The following RYR1 variants were observed in gnomAD, a reference collection of about 807,000 sequenced individuals.
RYR1 encodes the protein ryanodine receptor 1, also known as central core disease of muscle.
Under a neutral mutation model 583.5 loss-of-function variants are expected in RYR1, and 342 were observed. The ratio of observed to expected loss-of-function variants is 0.59; its 90% CI spans 0.54 to 0.64. RYR1 has a LOEUF of 0.64. Ranked by LOEUF, RYR1 falls within the 30% of genes least tolerant of loss-of-function variation. RYR1 has a pLI of 0.00. For synonymous variants in RYR1, 2,791 were observed against 2,822.5 expected (o/e 0.99, Z 0.35); for missense variants, 6,032 against 6,917.2 (o/e 0.87, Z 4.54).
rs777022486 is a variant in RYR1, at chr19:38,489,433, T to C, written c.5804T>C (p.Val1935Ala). 6.2e-7 allele frequency: 1 copy of C among 1,613,952 alleles called. No individual in the cohort carries two copies. ...CTCCAGATGAAGTTGCCAGAGTCTGTGAAGTTACAGGTGGGCTGCTGCTTC... is the reference window on the plus strand; with the variant it reads ...CTCCAGATGAAGTTGCCAGAGTCTGCGAAGTTACAGGTGGGCTGCTGCTTC... ...GLLQMKLPES[V>A]KLQMCHLLEY... Residue 1935 changes from valine (V) to alanine (A), a missense_variant, in exon 35 of 106, where the codon GTG (valine) becomes GCG (alanine). Val to Ala is a moderately conservative substitution (Grantham distance 64). This residue lies in a region of RYR1 where 2,627 missense variants were observed against 2,961.3 expected (regional missense o/e 0.89). Transcript: ENST00000359596.
chr19:38,580,924 G>A (rs551265427), intron 101 of RYR1, among the ~76,000 whole-genome samples: 16 of 148,356 alleles, frequency 1.1e-4, no homozygotes, highest in Admixed American at 2.7e-4. Flanking sequence ...TTTTGAGATG[G>A]AGTCTCACTG....
rs116872040 is a variant in RYR1 at position 38,455,026 on chromosome 19, G to A, written c.1441-209G>A. ...GACTGAATCTCATATTGGGGATAGAGTCAGAGAGGACAAGAATAGATATGG... is the reference window on the plus strand; with the variant it reads ...GACTGAATCTCATATTGGGGATAGAATCAGAGAGGACAAGAATAGATATGG... On this transcript the variant is annotated intron_variant, in intron 13 of 105. Coordinates refer to ENST00000359596, the MANE Select transcript of RYR1 (RefSeq NM_000540.3). 2.1e-4 allele frequency among the ~76,000 whole-genome samples: 32 copies of A among 152,210 alleles called. No homozygotes were observed. In the East Asian group the frequency reaches 4.4e-3, roughly 21 times the overall value.
At chr19:38,548,937 T>C (rs749318613) in intron 89 of RYR1, among the ~76,000 whole-genome samples, 1 of 152,218 alleles carries the variant, frequency 6.6e-6, no homozygotes, top group Non-Finnish European at 1.5e-5. Context: ...CCGTTATTAC[T>C]GTTATCTTTA....
chr19:38,460,878 G>A (rs1386350544), intron 20 of RYR1, among the ~76,000 whole-genome samples: 1 of 152,202 alleles, frequency 6.6e-6, no homozygotes, highest in Non-Finnish European at 1.5e-5. Context: ...CCAGCTACTC[G>A]GGAGACTGAG....
chr19:38,538,083 G>A (rs1600971561), intron 84 of RYR1, 123 bp downstream of exon 84: 1 of 885,558 alleles, frequency 1.1e-6, no homozygotes, highest in African/African-American at 1.6e-5. Context: ...TCCAGCCAGT[G>A]TCAATCCACC....
chr19:38,570,858 T>C (rs1244582313), intron 94 of RYR1, among the ~76,000 whole-genome samples, 165 bp downstream of exon 94: 3 of 152,138 alleles, frequency 2.0e-5, no homozygotes, highest in Admixed American at 2.0e-4. Context: ...GGGACCCCCC[T>C]CCATGGGGGT....
At chr19:38,511,992 G>A (rs919096515) in intron 61 of RYR1, 80 bp from the exon 62 acceptor site, 9 of 1,487,266 alleles carry the variant, frequency 6.1e-6, no homozygotes, top group African/African-American at 1.4e-5. Flanking sequence ...GGAAGAGAGC[G>A]GTTGGGGTGG....
intron 37 of RYR1, 130 bp from the exon 38 acceptor site, chr19:38,492,360 C>CAAAAAAAAAAAAA (rs60482983): frequency 1.7e-6 from 1 of 596,180 alleles, no homozygotes. Flanking sequence ...GACACTGTCT[C>CAAAAAAAAAAAAA]AAAAAAAAAA....
In RYR1 at chr19:38,433,755, C is replaced by G; in HGVS notation, c.-75C>G. ...GAGGTCTCCGACCCCAGCCCGCCCC[C>G]AGCCCTCCCGCCCAGCCCGCAGCCC... On this transcript the variant is annotated 5_prime_UTR_variant, in exon 1 of 106. Coordinates refer to ENST00000359596, the MANE Select transcript of RYR1 (RefSeq NM_000540.3). 1.4e-6 allele frequency: 1 copy of G among 709,494 alleles called. No individual in the cohort carries two copies. Among genetic ancestry groups the G allele is most frequent in the Non-Finnish European group, 2.6e-6 (1 of 386,188 alleles). The allele number at this position is 709,494 out of a possible 1,614,324, so 43.9% of individuals were successfully genotyped here.
In RYR1 at chr19:38,543,986, C is replaced by A. The variant is rs1043314779; in HGVS notation, c.12012+111C>A. The A allele has an allele frequency of 9.2e-7, 1 of 1,087,804 alleles. No homozygotes were observed. Among genetic ancestry groups the A allele is most frequent in the Non-Finnish European group, 1.4e-6 (1 of 736,178 alleles). 67.4% of individuals were successfully genotyped at this position (1,087,804 alleles called of 1,614,324 possible). A position where few individuals can be genotyped will look rare whatever the true frequency, so the allele number is the denominator to read the frequency against. On this transcript the variant is annotated intron_variant, in intron 87 of 105. Coordinates refer to ENST00000359596, the MANE Select transcript of RYR1 (RefSeq NM_000540.3). This position sits in a 1 kb window ranked among gnomAD's most constrained non-coding sequence, Gnocchi z 4.4. Reference sequence around the variant, plus strand: ...GTCACCCGAGTGCTCCCGGCATGTTCCAGACTGGTTCCCTCTCAGTGGCCA... The same window carrying A: ...GTCACCCGAGTGCTCCCGGCATGTTACAGACTGGTTCCCTCTCAGTGGCCA...
In RYR1 at chr19:38,448,717, G is replaced by A; in HGVS notation, c.1026G>A (p.Glu342=). The change falls in exon 11 of 106, where the codon GAG becomes GAA. Residue 342 remains glutamate (E), a synonymous_variant. Transcript: ENST00000359596. ...GCCCCCCTGAGATCAAGTACGGGGA[G>A]TCACTGTGCTTCGTGCAGCATGTGG... ...GMGPPEIKYG[E]SLCFVQHVAS... is the part of the protein sequence containing the mutation. 1 of 1,614,250 alleles carries A rather than the reference G, an allele frequency of 6.2e-7. No individual in the cohort carries two copies. Among genetic ancestry groups the A allele is most frequent in the East Asian group, 2.2e-5 (1 of 44,890 alleles).
chr19:38,500,931 C>T lies in RYR1; in HGVS notation c.7555C>T (p.Leu2519=), dbSNP rs2145606496. The T allele has an allele frequency of 6.2e-7, 1 of 1,614,064 alleles. No individual in the cohort carries two copies. Among genetic ancestry groups the T allele is most frequent in the Non-Finnish European group, 8.5e-7 (1 of 1,180,006 alleles). Residue 2519 remains leucine, a synonymous_variant, in exon 47 of 106, where the codon CTG becomes TTG. Coordinates refer to ENST00000359596, the MANE Select transcript of RYR1 (RefSeq NM_000540.3). This position sits in a 1 kb window ranked among gnomAD's most constrained non-coding sequence, Gnocchi z 5.9. ...TGGCATCGAGAACCAGGACTTCTTG[C>T]TGCACGTGCTGGACGTGGGGTTCCT... ...VYGIENQDFL[L]HVLDVGFLPD... is the part of the protein sequence containing the mutation.
chr19:38,438,706 C>A (rs2145311656), intron 1 of RYR1, among the ~76,000 whole-genome samples: 1 of 147,662 alleles, frequency 6.8e-6, no homozygotes, highest in East Asian at 2.1e-4. Flanking sequence ...ACAAGCTCCG[C>A]CTCCCAGGTT....
In RYR1 at chr19:38,455,423, T is replaced by C. The variant is rs775515289; in HGVS notation, c.1577-28T>C. ...AGAACACCCCAGATCCCCAGTCCTA[T>C]TGGATCTGACACCTCTTCCCCCCTC... is the stretch of plus-strand genomic sequence containing the variant. On this transcript the variant is annotated intron_variant, in intron 14 of 105. Coordinates refer to ENST00000359596, the MANE Select transcript of RYR1 (RefSeq NM_000540.3). The C allele has an allele frequency of 4.3e-6, 7 of 1,613,790 alleles. No individual in the cohort carries two copies. The South Asian group carries it at 6.6e-5, about 15-fold the overall frequency.
chr19:38,462,189 C>T (rs1203579432), intron 20 of RYR1, among the ~76,000 whole-genome samples: 1 of 152,166 alleles, frequency 6.6e-6, no homozygotes, highest in African/African-American at 2.4e-5. Context: ...CATGTGACCT[C>T]CCCTCCCTGA....
intron 72 of RYR1, 121 bp from the exon 73 acceptor site, chr19:38,527,526 G>A: frequency 7.6e-7 from 1 of 1,310,922 alleles, no homozygotes; most frequent in Non-Finnish European, 1.1e-6. Context: ...AAAAGATGAA[G>A]AAGAAGAAAG....
rs201873121 is a variant in RYR1, at chr19:38,473,031, A to G, written c.3766-346A>G. Among the ~76,000 whole-genome samples, 517 of 150,970 alleles carry G rather than the reference A, an allele frequency of 3.4e-3. 4 individuals are homozygous for G. The highest frequency in any genetic ancestry group is 0.012 in the African/African-American group (503 of 41,100). ...ACTGTGTCTCAAAAAAAAAAAAAAA[A>G]GCATTGAAGTTGAGCTGCCTGGTTA... On this transcript the variant is annotated intron_variant, in intron 27 of 105. Coordinates refer to ENST00000359596, the MANE Select transcript of RYR1 (RefSeq NM_000540.3).
chr19:38,506,866 G>T lies in RYR1; in HGVS notation c.8730G>T (p.Thr2910=), dbSNP rs1455007546. 5 of 1,613,990 alleles carry T rather than the reference G, an allele frequency of 3.1e-6. No individual in the cohort carries two copies. The highest frequency in any genetic ancestry group is 4.5e-5 in the East Asian group (2 of 44,868). The part of the protein sequence containing the change: ...GTHPLLVPYD[T]LTAKEKARDR... Reference sequence around the variant, plus strand: ...ACCCCCTGCTGGTCCCCTACGACACGCTCACGGCCAAGGAGAAGGCACGAG... The same window carrying T: ...ACCCCCTGCTGGTCCCCTACGACACTCTCACGGCCAAGGAGAAGGCACGAG... Residue 2910 remains threonine, a synonymous_variant, in exon 57 of 106, where the codon ACG becomes ACT. Coordinates refer to ENST00000359596, the MANE Select transcript of RYR1 (RefSeq NM_000540.3).
intron 89 of RYR1, among the ~76,000 whole-genome samples, chr19:38,557,593 G>A (rs1316489824): frequency 3.3e-5 from 5 of 152,104 alleles, no homozygotes; most frequent in Non-Finnish European, 7.4e-5. Context: ...GAACAAGAGG[G>A]ACAGAGAGCA....
Sources: allele counts gnomAD v4.1 joint callset (sites outside exome capture counted in the v4.1 genomes callset), GRCh38; gene constraint gnomAD v4.1.1; regional missense constraint gnomAD v4.1.1; non-coding constraint Gnocchi (gnomAD v3.1); transcripts MANE v1.5; gene names NCBI Gene and HGNC (gene_info 2026-07-23, HGNC 2026-07-21).